SEC23B: variants seen among roughly 807,000 people sequenced by gnomAD.
SEC23B encodes the protein SEC23 homolog B, COPII component, also known as protein transport protein Sec23B.
Under a neutral mutation model 104.3 loss-of-function variants are expected in SEC23B, and 77 were observed. The observed-to-expected ratio is 0.74, with a 90% CI of 0.61 to 0.89. The LOEUF (loss-of-function observed/expected upper bound fraction) is 0.89. SEC23B is among the 40% of genes least tolerant of loss of function. SEC23B has a pLI of 0.00. For synonymous variants in SEC23B, 338 were observed against 332.5 expected, an observed-to-expected ratio of 1.02 and a Z score of -0.18; for missense variants, 885 against 949.4, an observed-to-expected ratio of 0.93 and a Z score of 0.89.
Position 18,510,965 on chromosome 20 carries a change from C to T in SEC23B, c.130C>T (p.Pro44Ser), listed in dbSNP as rs1330309084. The T allele has an allele frequency of 6.2e-7, 1 of 1,614,198 alleles. No homozygotes were observed. Among genetic ancestry groups the T allele is most frequent in the Non-Finnish European group, 8.5e-7 (1 of 1,180,040 alleles). ...TGTACCCCTGGCTTGTCTCCTTACT[C>T]CTTTGAAAGAACGTCCAGACCTACC... ...MVVPLACLLT[P>S]LKERPDLPPV... The change falls in exon 2 of 20, where the codon CCT becomes TCT. Residue 44 changes from proline (P) to serine (S), a missense_variant. By Grantham distance (74) the Pro-to-Ser change is moderately conservative (BLOSUM62 -1). Transcript: ENST00000650089.
At chr20:18,536,876 A>G (rs6081197) in intron 12 of SEC23B, among the ~76,000 whole-genome samples, 21,432 of 152,216 alleles carry the variant, frequency 0.14, 2,023 homozygotes, top group Non-Finnish European at 0.2. Flanking sequence ...TAAGAAAATC[A>G]TAAGGGAAGG....
chr20:18,542,642 T>G (rs941807276), intron 13 of SEC23B, among the ~76,000 whole-genome samples: 5 of 152,148 alleles, frequency 3.3e-5, no homozygotes, highest in Non-Finnish European at 7.4e-5. Flanking sequence ...TTAATTATTA[T>G]TATTATCATC....
chr20:18,523,007 C>T (rs1384063718), intron 4 of SEC23B, among the ~76,000 whole-genome samples: 1 of 151,734 alleles, frequency 6.6e-6, no homozygotes, highest in East Asian at 1.9e-4. Context: ...GTGGAACTTG[C>T]AGTGAGCCGA....
intron 10 of SEC23B, among the ~76,000 whole-genome samples, chr20:18,531,117 C>T (rs2060183113): frequency 1.3e-5 from 2 of 152,150 alleles, no homozygotes; most frequent in African/African-American, 4.8e-5. Flanking sequence ...TTGAGGATGA[C>T]CTATATATTT....
At chr20:18,558,978 A>C (rs1349643280) in intron 19 of SEC23B, among the ~76,000 whole-genome samples, 3 of 150,726 alleles carry the variant, frequency 2.0e-5, no homozygotes, top group African/African-American at 7.3e-5. Flanking sequence ...TTTTTATTGA[A>C]ACTTGGACAC....
At chr20:18,532,326 A>G (rs2060194814) in intron 10 of SEC23B, among the ~76,000 whole-genome samples, 1 of 152,262 alleles carries the variant, frequency 6.6e-6, no homozygotes. Flanking sequence ...AATTATGGAT[A>G]TACATGAATG....
chr20:18,546,310 CAT>C (rs776035016), intron 15 of SEC23B, among the ~76,000 whole-genome samples: 10 of 152,206 alleles, frequency 6.6e-5, no homozygotes, highest in Non-Finnish European at 1.0e-4. Flanking sequence ...AAATATCTCT[CAT>C]GTGTAGAAGT....
chr20:18,560,909 T>C lies in SEC23B; in HGVS notation c.*169T>C. Reference sequence around the variant, plus strand: ...TATTTGTATTCCTGTCTTTGTCCTTTTTCTTGCACTATAAAATTATAAGGT... The same window carrying C: ...TATTTGTATTCCTGTCTTTGTCCTTCTTCTTGCACTATAAAATTATAAGGT... On this transcript the variant is annotated 3_prime_UTR_variant, in exon 20 of 20. Transcript: ENST00000650089. 1 of 633,426 alleles carries C rather than the reference T, an allele frequency of 1.6e-6. No individual in the cohort carries two copies. The highest frequency in any genetic ancestry group is 2.8e-6 in the Non-Finnish European group (1 of 354,026). 39.2% of individuals were successfully genotyped at this position (633,426 alleles called of 1,614,324 possible).
chr20:18,557,745 C>CTTTTTTTTTTTTT (rs11477198), intron 19 of SEC23B, among the ~76,000 whole-genome samples: 109 of 116,784 alleles, frequency 9.3e-4, no homozygotes, highest in Non-Finnish European at 1.2e-3. Flanking sequence ...TTTTTCTTTT[C>CTTTTTTTTTTTTT]TTTTTTTTTT....
chr20:18,524,723 C>G, intron 5 of SEC23B, 54 bp downstream of exon 5: 2 of 1,448,098 alleles, frequency 1.4e-6, no homozygotes, highest in Non-Finnish European at 1.9e-6. Context: ...TTAAAAGAGA[C>G]TGGGGTCTCT....
At chr20:18,527,376 A>G in intron 8 of SEC23B, 120 bp from the exon 9 acceptor site, 2 of 758,240 alleles carry the variant, frequency 2.6e-6, no homozygotes, top group Admixed American at 3.6e-5. Context: ...AGACTCTGTC[A>G]CAAAAAGAGA....
chr20:18,516,919 A>T (rs1483775033), intron 4 of SEC23B, among the ~76,000 whole-genome samples: 2 of 143,276 alleles, frequency 1.4e-5, no homozygotes, highest in African/African-American at 5.4e-5. Flanking sequence ...TTCTATTTCT[A>T]AAAAAAAAAA....
chr20:18,511,727 A>G (rs1346363513), intron 2 of SEC23B, among the ~76,000 whole-genome samples: 1 of 152,212 alleles, frequency 6.6e-6, no homozygotes, highest in African/African-American at 2.4e-5. Context: ...TAACTGAAGC[A>G]TTATCTTGAA....
chr20:18,545,772 A>G (rs751588679), intron 14 of SEC23B, among the ~76,000 whole-genome samples, 184 bp from the exon 15 acceptor site: 1 of 152,162 alleles, frequency 6.6e-6, no homozygotes, highest in Non-Finnish European at 1.5e-5. Flanking sequence ...GCATTTTAAC[A>G]AGATCCCCTG....
chr20:18,558,169 T>A (rs2060458867), intron 19 of SEC23B, among the ~76,000 whole-genome samples: 2 of 152,218 alleles, frequency 1.3e-5, no homozygotes, highest in Admixed American at 6.5e-5. Context: ...CATATAGGAT[T>A]CTGACTAACA....
chr20:18,542,936 G>C, intron 13 of SEC23B, 83 bp from the exon 14 acceptor site: 1 of 1,556,788 alleles, frequency 6.4e-7, no homozygotes, highest in East Asian at 2.2e-5. Context: ...ACTGCACCTA[G>C]CCTGTGTTTC....
upstream of SEC23B, chr20:18,507,756 A>G (rs1397900598): frequency 1.3e-5 from 2 of 152,338 alleles, no homozygotes; most frequent in African/African-American, 2.4e-5. Context: ...GAAGTGCGAC[A>G]TACACCTGTC....
intron 4 of SEC23B, among the ~76,000 whole-genome samples, chr20:18,516,744 G>A (rs1056841320): frequency 8.6e-5 from 13 of 150,430 alleles, no homozygotes; most frequent in Non-Finnish European, 3.0e-5. Flanking sequence ...TAGTAGAGAC[G>A]GGGTTTCACC....
chr20:18,535,600 C>G, intron 11 of SEC23B, 53 bp from the exon 12 acceptor site: 2 of 1,435,244 alleles, frequency 1.4e-6, no homozygotes, highest in Non-Finnish European at 2.0e-6. Context: ...TAGCAATTAA[C>G]CACAGGGATG....
Sources: gnomAD v4.1 joint callset for allele counts (sites outside exome capture counted in the v4.1 genomes callset) on GRCh38, gnomAD v4.1.1 for gene constraint, MANE v1.5 for transcripts, NCBI Gene and HGNC (gene_info 2026-07-23, HGNC 2026-07-21) for gene names.